Variants in LMBR1 observed in about 807,000 individuals in gnomAD.
LMBR1 encodes limb development membrane protein 1.
In LMBR1, 52 loss-of-function variants were observed where a neutral mutation model predicts 73.9. That is an observed-to-expected ratio of 0.70 (90% CI 0.56 to 0.89). The LOEUF is 0.89. Among genes scored for constraint, LMBR1 ranks in the 40% least tolerant of loss-of-function variants. The pLI, the probability that LMBR1 is intolerant of heterozygous loss-of-function variation, is 0.00. For synonymous variants in LMBR1, 215 were observed against 209.4 expected, an observed-to-expected ratio of 1.03 and a Z score of -0.23; for missense variants, 539 against 579.8, an observed-to-expected ratio of 0.93 and a Z score of 0.72.
intron 15 of LMBR1, among the ~76,000 whole-genome samples, chr7:156,694,165 AT>A (rs779556547): frequency 3.4e-4 from 51 of 148,224 alleles, no homozygotes; most frequent in Admixed American, 6.7e-4. Context: ...TAATAGAGAC[AT>A]TTTTTTTTTT....
intron 15 of LMBR1, among the ~76,000 whole-genome samples, chr7:156,690,729 A>C (rs1807003281): frequency 1.3e-5 from 2 of 152,196 alleles, no homozygotes; most frequent in Admixed American, 6.5e-5. Flanking sequence ...ATATTACCTC[A>C]TAAAAACTAG....
intron 4 of LMBR1, among the ~76,000 whole-genome samples, chr7:156,797,866 A>G (rs1830312156): frequency 6.6e-6 from 1 of 152,238 alleles, no homozygotes; most frequent in African/African-American, 2.4e-5. Context: ...AAAATCTTTT[A>G]TAAAACAATA....
chr7:156,889,509 G>A (rs1487278857), intron 1 of LMBR1, among the ~76,000 whole-genome samples: 1 of 152,178 alleles, frequency 6.6e-6, no homozygotes, highest in Non-Finnish European at 1.5e-5. Flanking sequence ...AATCATTTGA[G>A]AAAGAAATGC....
At chr7:156,892,840 G>C in intron 1 of LMBR1, 88 bp downstream of exon 1, 1 of 895,692 alleles carries the variant, frequency 1.1e-6, no homozygotes, top group Non-Finnish European at 1.4e-6. Flanking sequence ...CCGGAGGTGA[G>C]GGGTCCGGGG....
chr7:156,706,924 T>C (rs184860062), intron 15 of LMBR1, among the ~76,000 whole-genome samples: 1 of 143,400 alleles, frequency 7.0e-6, no homozygotes, highest in East Asian at 2.1e-4. Context: ...CAAAAAACAG[T>C]ACAAAGGATC....
At chr7:156,878,512 G>T (rs1436959228) in intron 1 of LMBR1, among the ~76,000 whole-genome samples, 1 of 152,088 alleles carries the variant, frequency 6.6e-6, no homozygotes, top group East Asian at 1.9e-4. Context: ...GAAGGTAAAA[G>T]GCCTCTACAA....
At chr7:156,725,868 T>C (rs995459198) in intron 12 of LMBR1, 31 bp from the exon 13 acceptor site, 5 of 1,535,280 alleles carry the variant, frequency 3.3e-6, no homozygotes, top group Non-Finnish European at 3.6e-6. Context: ...TTTTCAGAAT[T>C]TGATGACACC....
intron 4 of LMBR1, among the ~76,000 whole-genome samples, chr7:156,810,974 C>T (rs1276770231): frequency 6.6e-6 from 1 of 151,450 alleles, no homozygotes; most frequent in South Asian, 2.1e-4. Context: ...CCATGCCTGG[C>T]TAATTTTTGT....
At chr7:156,729,628 C>A (rs1313113246) in intron 10 of LMBR1, among the ~76,000 whole-genome samples, 1 of 152,036 alleles carries the variant, frequency 6.6e-6, no homozygotes, top group African/African-American at 2.4e-5. Flanking sequence ...CACATGCCAC[C>A]AAGCCCGGCT....
At chr7:156,722,865 A>T (rs978587671) in intron 15 of LMBR1, among the ~76,000 whole-genome samples, 16 of 152,142 alleles carry the variant, frequency 1.1e-4, no homozygotes, top group Non-Finnish European at 2.1e-4. Context: ...TATATTAATG[A>T]TTAGCAATCA....
intron 5 of LMBR1, among the ~76,000 whole-genome samples, chr7:156,793,369 C>T (rs1314851667): frequency 1.3e-5 from 2 of 152,036 alleles, no homozygotes; most frequent in South Asian, 2.1e-4. Flanking sequence ...ATTTTAAAAC[C>T]GAAAAATATG....
intron 1 of LMBR1, among the ~76,000 whole-genome samples, chr7:156,858,971 G>A (rs1256365599): frequency 1.3e-5 from 2 of 151,972 alleles, no homozygotes; most frequent in African/African-American, 4.8e-5. Flanking sequence ...AAAAAAACTA[G>A]GGCTGGGCAC....
At chr7:156,720,673 A>G (rs1475764525) in intron 15 of LMBR1, among the ~76,000 whole-genome samples, 1 of 151,510 alleles carries the variant, frequency 6.6e-6, no homozygotes, top group Non-Finnish European at 1.5e-5. Flanking sequence ...GTTAAATAAT[A>G]AAGTTAATAA....
At chr7:156,747,664 T>A (rs1820087073) in intron 9 of LMBR1, among the ~76,000 whole-genome samples, 1 of 152,186 alleles carries the variant, frequency 6.6e-6, no homozygotes, top group African/African-American at 2.4e-5. Context: ...CAGATTGATG[T>A]TACATTTAAC....
At chr7:156,711,487 T>C (rs913540783) in intron 15 of LMBR1, among the ~76,000 whole-genome samples, 13 of 152,080 alleles carry the variant, frequency 8.5e-5, no homozygotes, top group African/African-American at 3.1e-4. Flanking sequence ...ATTTTTCACG[T>C]AATTAAAAAA....
In LMBR1 at chr7:156,681,231, A is replaced by G. The variant is rs778223242; in HGVS notation, c.*2847T>C. On this transcript the variant is annotated 3_prime_UTR_variant, in exon 17 of 17. Coordinates refer to ENST00000353442, the MANE Select transcript of LMBR1 (RefSeq NM_022458.4). Reference sequence around the variant, plus strand: ...TGAGGCTGCAGGGAGGGCCATGGGCACCCAGCAGATGGGGAGGCCGCACTG... The same window carrying G: ...TGAGGCTGCAGGGAGGGCCATGGGCGCCCAGCAGATGGGGAGGCCGCACTG... 1.6e-5 allele frequency: 7 copies of G among 442,954 alleles called. No homozygotes were observed. In the East Asian group the frequency reaches 4.9e-4, roughly 31 times the overall value. 27.4% of individuals were successfully genotyped at this position (442,954 alleles called of 1,614,324 possible). A position where few individuals can be genotyped will look rare whatever the true frequency, so the allele number is the denominator to read the frequency against.
rs369354246 is a variant in LMBR1, at chr7:156,826,605, C to G, written c.319G>C (p.Gly107Arg). Residue 107 changes from glycine (G) to arginine (R), a missense_variant and splice_region_variant, in exon 4 of 17, where the codon GGT becomes CGT. Coordinates refer to ENST00000353442, the MANE Select transcript of LMBR1 (RefSeq NM_022458.4). ...IQWLNGSLIH[G>R]LWNLASLFSN... ...ATTATATTAAGCAATATATACTAAC[C>G]ATGAATCAGGGAGCCATTTAGCCAC... 1.3e-6 allele frequency: 2 copies of G among 1,534,038 alleles called. No homozygotes were observed. Among genetic ancestry groups the G allele is most frequent in the African/African-American group, 1.4e-5 (1 of 72,960 alleles).
chr7:156,879,557 G>C (rs1042940610), intron 1 of LMBR1, among the ~76,000 whole-genome samples: 3 of 151,718 alleles, frequency 2.0e-5, no homozygotes, highest in Non-Finnish European at 4.4e-5. Context: ...CCAGCTACTC[G>C]GAGGGCTGAG....
chr7:156,813,549 T>G (rs1833439671), intron 4 of LMBR1, among the ~76,000 whole-genome samples: 1 of 152,172 alleles, frequency 6.6e-6, no homozygotes, highest in African/African-American at 2.4e-5. Context: ...CTCCCTATTG[T>G]GAAATATACG....
Sources: allele counts gnomAD v4.1 joint callset (sites outside exome capture counted in the v4.1 genomes callset), GRCh38; gene constraint gnomAD v4.1.1; transcripts MANE v1.5; gene names NCBI Gene and HGNC (gene_info 2026-07-23, HGNC 2026-07-21).